The following PLEKHM3 variants were observed in gnomAD, a reference collection of about 807,000 sequenced individuals.
The protein encoded by PLEKHM3 is pleckstrin homology domain-containing family M member 3.
A neutral mutation model predicts 81.8 loss-of-function variants in PLEKHM3; 45 were observed. That is an observed-to-expected ratio of 0.55 (90% CI 0.43 to 0.71). The LOEUF is 0.71. Among genes scored for constraint, PLEKHM3 ranks in the 30% least tolerant of loss-of-function variants. The pLI is 0.00. For synonymous variants in PLEKHM3, 352 were observed against 356.4 expected (o/e 0.99, Z 0.14); for missense variants, 788 against 924.3 (o/e 0.85, Z 1.91).
chr2:207,980,630 G>A (rs945340784), intron 2 of PLEKHM3, among the ~76,000 whole-genome samples: 10 of 151,980 alleles, frequency 6.6e-5, no homozygotes, highest in South Asian at 2.1e-4. Flanking sequence ...GTGCAATGGC[G>A]TTATCATGAC....
chr2:207,968,910 G>A (rs1691018005), intron 3 of PLEKHM3, among the ~76,000 whole-genome samples: 1 of 152,024 alleles, frequency 6.6e-6, no homozygotes, highest in Non-Finnish European at 1.5e-5. Flanking sequence ...TTTGGGGAAG[G>A]GTCATATCTG....
At chr2:207,887,175 T>A (rs1206111544) in intron 6 of PLEKHM3, among the ~76,000 whole-genome samples, 2 of 152,228 alleles carry the variant, frequency 1.3e-5, no homozygotes, top group Non-Finnish European at 1.5e-5. Context: ...CATACAGTAA[T>A]ATAGCAACAC....
chr2:207,861,048 A>G, intron 7 of PLEKHM3, 57 bp downstream of exon 7: 1 of 1,578,908 alleles, frequency 6.3e-7, no homozygotes, highest in Non-Finnish European at 8.6e-7. Flanking sequence ...GATTTGGCCA[A>G]AGAAAATGGC....
chr2:207,957,608 G>C (rs1690560403), intron 3 of PLEKHM3, among the ~76,000 whole-genome samples: 1 of 152,194 alleles, frequency 6.6e-6, no homozygotes, highest in East Asian at 1.9e-4. Context: ...TGAGGCAGGA[G>C]AATTGCTTGA....
chr2:207,852,135 T>C (rs766911213), intron 7 of PLEKHM3, among the ~76,000 whole-genome samples: 5 of 152,166 alleles, frequency 3.3e-5, no homozygotes, highest in Non-Finnish European at 4.4e-5. Flanking sequence ...TTTTTTCAAA[T>C]TGATTTTAGG....
chr2:207,889,591 G>C (rs1687990961), intron 6 of PLEKHM3, among the ~76,000 whole-genome samples: 1 of 151,996 alleles, frequency 6.6e-6, no homozygotes, highest in African/African-American at 2.4e-5. Flanking sequence ...AGGAGGCCTA[G>C]CCAAGTTCTG....
At chr2:208,012,210 T>G (rs1210478580) in intron 1 of PLEKHM3, among the ~76,000 whole-genome samples, 1 of 151,894 alleles carries the variant, frequency 6.6e-6, no homozygotes, top group Admixed American at 6.6e-5. Flanking sequence ...CCCGGCTAAT[T>G]TTTTTGTATT....
intron 7 of PLEKHM3, among the ~76,000 whole-genome samples, chr2:207,838,679 T>G (rs183000453): frequency 3.0e-4 from 46 of 152,312 alleles, no homozygotes; most frequent in Middle Eastern, 3.4e-3. Flanking sequence ...TTTCTGATGC[T>G]TCTAAGTTTT....
intron 1 of PLEKHM3, among the ~76,000 whole-genome samples, chr2:208,007,840 G>C (rs573190503): frequency 2.6e-5 from 4 of 152,274 alleles, no homozygotes; most frequent in African/African-American, 9.6e-5. Context: ...TGGATCACAA[G>C]GTCAGGAGAT....
intron 3 of PLEKHM3, among the ~76,000 whole-genome samples, chr2:207,968,208 T>C (rs1474175828): frequency 6.6e-6 from 1 of 152,092 alleles, no homozygotes; most frequent in Non-Finnish European, 1.5e-5. Context: ...GCCCTCAGAC[T>C]ATAAAGTCCT....
intron 6 of PLEKHM3, among the ~76,000 whole-genome samples, chr2:207,880,788 A>AAAAAAAAAAAAAAAAAAAC (rs71036962): frequency 1.7e-5 from 1 of 58,146 alleles, no homozygotes; most frequent in Non-Finnish European, 3.7e-5. Context: ...AAAAAAAAAA[A>AAAAAAAAAAAAAAAAAAAC]CCAAAAAAAC....
chr2:207,925,277 G>A (rs1412607572), intron 5 of PLEKHM3, among the ~76,000 whole-genome samples: 1 of 151,948 alleles, frequency 6.6e-6, no homozygotes, highest in Non-Finnish European at 1.5e-5. Flanking sequence ...CTACTGATGG[G>A]CCAGAGTCCG....
chr2:207,830,048 AGTGTGTGTGTATGTGG>A (rs1422833255), intron 7 of PLEKHM3, among the ~76,000 whole-genome samples: 1 of 152,020 alleles, frequency 6.6e-6, no homozygotes, highest in East Asian at 1.9e-4. Context: ...AGAAAGAGAA[AGTGTGTGTGTATGTGG>A]GTGTGTGCGT....
chr2:207,985,848 T>C (rs913210202), intron 2 of PLEKHM3, among the ~76,000 whole-genome samples: 7 of 151,712 alleles, frequency 4.6e-5, no homozygotes, highest in Non-Finnish European at 8.8e-5. Context: ...ATTAGCCGGG[T>C]GTGGTGGCAG....
At chr2:208,017,572 A>G (rs974281275) in intron 1 of PLEKHM3, among the ~76,000 whole-genome samples, 5 of 152,204 alleles carry the variant, frequency 3.3e-5, no homozygotes, top group African/African-American at 7.2e-5. Flanking sequence ...TAAAAAATGA[A>G]TAAAATCCAT....
intron 1 of PLEKHM3, among the ~76,000 whole-genome samples, chr2:208,004,972 C>T (rs1311923730): frequency 6.6e-6 from 1 of 152,000 alleles, no homozygotes; most frequent in South Asian, 2.1e-4. Flanking sequence ...ATTAAAGGCG[C>T]CCGCCACCAC....
At chr2:207,927,163 T>C (rs910907135) in intron 5 of PLEKHM3, among the ~76,000 whole-genome samples, 2 of 152,194 alleles carry the variant, frequency 1.3e-5, no homozygotes, top group African/African-American at 2.4e-5. Flanking sequence ...TATATGAGAT[T>C]AGTTAAGTCC....
At chr2:207,983,208 C>G (rs139356601) in intron 2 of PLEKHM3, among the ~76,000 whole-genome samples, 2 of 152,020 alleles carry the variant, frequency 1.3e-5, no homozygotes, top group South Asian at 2.1e-4. Flanking sequence ...CCAGCCACCA[C>G]GCCCAGCTAA....
chr2:207,990,849 T>C (rs1691878025), intron 2 of PLEKHM3, among the ~76,000 whole-genome samples: 1 of 152,200 alleles, frequency 6.6e-6, no homozygotes, highest in Admixed American at 6.5e-5. Flanking sequence ...AAGAGGATAT[T>C]CCATTCATTT....
Sources: allele counts gnomAD v4.1 joint callset (sites outside exome capture counted in the v4.1 genomes callset), GRCh38; gene constraint gnomAD v4.1.1; transcripts MANE v1.5; gene names NCBI Gene and HGNC (gene_info 2026-07-23, HGNC 2026-07-21).